Variants in KLHDC1 observed in about 807,000 individuals in gnomAD.
The protein encoded by KLHDC1 is kelch domain containing 1.
In KLHDC1, 53 loss-of-function variants were observed where a neutral mutation model predicts 68.3. That is an observed-to-expected ratio of 0.78 (90% CI 0.62 to 0.98). The LOEUF (loss-of-function observed/expected upper bound fraction) is 0.98, where lower values mean the gene tolerates loss of function less well. Among genes scored for constraint, KLHDC1 ranks in the 50% least tolerant of loss-of-function variants. The probability of loss-of-function intolerance (pLI) is 0.00; values close to 1 mark genes in which losing one functional copy is unlikely to be tolerated. For synonymous variants in KLHDC1, 148 were observed against 159.0 expected, an observed-to-expected ratio of 0.93 and a Z score of 0.52; for missense variants, 470 against 492.3, an observed-to-expected ratio of 0.95 and a Z score of 0.43.
intron 12 of KLHDC1, among the ~76,000 whole-genome samples, chr14:49,748,863 C>T (rs1433377112): frequency 1.3e-5 from 2 of 151,362 alleles, no homozygotes; most frequent in African/African-American, 4.8e-5. Flanking sequence ...TGCAGTGGCG[C>T]AATCTTGGCT....
At chr14:49,725,463 G>A (rs898439574) in intron 5 of KLHDC1, 3 of 383,578 alleles carry the variant, frequency 7.8e-6, no homozygotes, top group Non-Finnish European at 1.4e-5. Context: ...ATGATTCACT[G>A]CAAACAATAC....
intron 1 of KLHDC1, among the ~76,000 whole-genome samples, chr14:49,701,563 G>A (rs1320860818): frequency 6.6e-6 from 1 of 152,150 alleles, no homozygotes; most frequent in Non-Finnish European, 1.5e-5. Flanking sequence ...GGAGGCTGAG[G>A]CAGGAGAATT....
In KLHDC1 at chr14:49,709,827, GTAA is replaced by G. The variant is rs764517392; in HGVS notation, c.285+6_285+8del. 1.5e-5 allele frequency: 23 copies of G among 1,491,654 alleles called. No homozygotes were observed. The highest frequency in any genetic ancestry group is 2.1e-5 in the Non-Finnish European group (23 of 1,093,016). 92.4% of individuals were successfully genotyped at this position (1,491,654 alleles called of 1,614,324 possible). On this transcript the variant is annotated splice_donor_variant and splice_donor_region_variant and intron_variant, in intron 3 of 12. Transcript: ENST00000359332. LOFTEE classifies it high-confidence loss of function. ...TGATGACAAAGGATACAGCAATCGA[GTAA>G]TAATTTCTTTAATTCAAGAGTGCAG...
At chr14:49,729,662 C>T (rs555276006) in intron 8 of KLHDC1, 114 bp downstream of exon 8, 57 of 661,932 alleles carry the variant, frequency 8.6e-5, no homozygotes, top group South Asian at 1.9e-4. Flanking sequence ...TCCTTCAGAT[C>T]GTATGTCTAA....
intron 1 of KLHDC1, among the ~76,000 whole-genome samples, chr14:49,699,785 G>A (rs1217587442): frequency 4.6e-5 from 7 of 152,110 alleles, no homozygotes; most frequent in African/African-American, 9.7e-5. Flanking sequence ...GTAAATGGTC[G>A]ATTCTAATTG....
At chr14:49,741,869 T>C (rs888059476) in intron 11 of KLHDC1, among the ~76,000 whole-genome samples, 1 of 152,104 alleles carries the variant, frequency 6.6e-6, no homozygotes, top group Admixed American at 6.6e-5. Flanking sequence ...TAGAGGATTC[T>C]GAGCCATCAG....
At chr14:49,706,737 G>A (rs147726052) in intron 1 of KLHDC1, among the ~76,000 whole-genome samples, 210 of 152,300 alleles carry the variant, frequency 1.4e-3, no homozygotes, top group Non-Finnish European at 2.4e-3. Flanking sequence ...GATCAGTGAT[G>A]TTGAGCACCT....
At chr14:49,716,161 G>A (rs1388625380) in intron 4 of KLHDC1, among the ~76,000 whole-genome samples, 4 of 152,142 alleles carry the variant, frequency 2.6e-5, no homozygotes, top group Admixed American at 6.6e-5. Context: ...GCATAGGCTC[G>A]TATAAAGGGA....
At chr14:49,704,322 C>T (rs1270224042) in intron 1 of KLHDC1, among the ~76,000 whole-genome samples, 2 of 146,346 alleles carry the variant, frequency 1.4e-5, no homozygotes, top group Non-Finnish European at 3.0e-5. Context: ...TTTTAAAATA[C>T]AAAATTGTGT....
At chr14:49,693,732 A>ATTTTATTTTAT (rs1566589115) in intron 1 of KLHDC1, among the ~76,000 whole-genome samples, 2 of 79,022 alleles carry the variant, frequency 2.5e-5, no homozygotes, top group Admixed American at 1.2e-4. Flanking sequence ...TTAAATATTT[A>ATTTTATTTTAT]TTTTCTTTTC....
chr14:49,734,795 T>C (rs2139761308), intron 10 of KLHDC1, 134 bp downstream of exon 10: 2 of 393,686 alleles, frequency 5.1e-6, no homozygotes, highest in East Asian at 7.8e-5. Flanking sequence ...AGCTTGATGT[T>C]ACCTAAATAA....
intron 1 of KLHDC1, among the ~76,000 whole-genome samples, chr14:49,704,542 C>T (rs1191563198): frequency 1.3e-5 from 2 of 151,234 alleles, no homozygotes; most frequent in South Asian, 2.1e-4. Context: ...TACAGGCACC[C>T]GCCACCATGC....
chr14:49,695,516 A>G (rs1314826662), intron 1 of KLHDC1, among the ~76,000 whole-genome samples: 1 of 152,214 alleles, frequency 6.6e-6, no homozygotes, highest in Non-Finnish European at 1.5e-5. Context: ...CATGCTGTCA[A>G]AGAGACATGC....
intron 4 of KLHDC1, among the ~76,000 whole-genome samples, chr14:49,719,057 G>A (rs1203305327): frequency 1.3e-5 from 2 of 152,100 alleles, no homozygotes; most frequent in African/African-American, 4.8e-5. Context: ...TGGGATTACA[G>A]CCATGAGCCA....
intron 4 of KLHDC1, 26 bp downstream of exon 4, chr14:49,710,407 A>G (rs1888168356): frequency 5.2e-6 from 6 of 1,151,160 alleles, no homozygotes; most frequent in Middle Eastern, 1.9e-4. Context: ...CACTTAATGC[A>G]TTATGTCTAC....
At chr14:49,715,293 T>C (rs1362024102) in intron 4 of KLHDC1, among the ~76,000 whole-genome samples, 3 of 151,110 alleles carry the variant, frequency 2.0e-5, no homozygotes, top group Non-Finnish European at 4.4e-5. Context: ...CAGCTAATTT[T>C]TGTATTTTTA....
intron 12 of KLHDC1, among the ~76,000 whole-genome samples, chr14:49,747,220 T>C (rs1411028934): frequency 6.6e-6 from 1 of 152,190 alleles, no homozygotes; most frequent in Non-Finnish European, 1.5e-5. Context: ...GTGCTGGGAT[T>C]ACAGGCGTGA....
At chr14:49,737,366 G>A (rs1888952594) in intron 10 of KLHDC1, among the ~76,000 whole-genome samples, 1 of 152,174 alleles carries the variant, frequency 6.6e-6, no homozygotes, top group South Asian at 2.1e-4. Context: ...GATTGTTTGA[G>A]GAAAGTATTT....
chr14:49,732,023 T>C (rs1249224922), intron 8 of KLHDC1, among the ~76,000 whole-genome samples: 1 of 152,130 alleles, frequency 6.6e-6, no homozygotes, highest in Non-Finnish European at 1.5e-5. Context: ...ATAATATCCT[T>C]GGGGAAATCA....
Sources: gnomAD v4.1 joint callset for allele counts (sites outside exome capture counted in the v4.1 genomes callset) on GRCh38, gnomAD v4.1.1 for gene constraint, MANE v1.5 for transcripts, NCBI Gene and HGNC (gene_info 2026-07-23, HGNC 2026-07-21) for gene names.